The following NRG1 variants were observed in gnomAD, a reference collection of about 807,000 sequenced individuals.
The protein encoded by NRG1 is neuregulin 1.
NRG1 carries 18 observed loss-of-function variants against 63.8 expected under a neutral mutation model. The observed-to-expected ratio is 0.28, with a 90% confidence interval of 0.19 to 0.42. NRG1 has a LOEUF of 0.42. Ranked by LOEUF, NRG1 falls within the 10% of genes least tolerant of loss-of-function variation. The pLI is 1.00. For missense variants in NRG1, 762 were observed against 814.7 expected (o/e 0.94, Z 0.79); for synonymous variants, 302 against 301.3 (o/e 1.00, Z -0.02).
At chr8:32,609,236 A>G (rs1845867838) in intron 3 of NRG1, among the ~76,000 whole-genome samples, 1 of 152,114 alleles carries the variant, frequency 6.6e-6, no homozygotes, top group Non-Finnish European at 1.5e-5. Context: ...GAAAATATGT[A>G]ATCATCTTGA....
intron 1 of NRG1, among the ~76,000 whole-genome samples, chr8:32,261,358 A>AGTGT (rs3055547): frequency 0.29 from 42,488 of 148,158 alleles, 6,332 homozygotes; most frequent in Admixed American, 0.42. Flanking sequence ...TGCTCCTATT[A>AGTGT]GTGTGTGTGT....
intron 5 of NRG1, among the ~76,000 whole-genome samples, chr8:32,664,480 C>T (rs1803638686): frequency 6.6e-6 from 1 of 151,978 alleles, no homozygotes; most frequent in African/African-American, 2.4e-5. Context: ...GTGAGTCGGC[C>T]AGTTGAGTCA....
At chr8:32,415,160 C>A (rs1258639776) in intron 1 of NRG1, among the ~76,000 whole-genome samples, 3 of 152,040 alleles carry the variant, frequency 2.0e-5, no homozygotes, top group African/African-American at 7.2e-5. Flanking sequence ...ATAATCCCAG[C>A]ACTTTGGGAG....
chr8:32,350,139 C>T (rs1805414017), intron 1 of NRG1, among the ~76,000 whole-genome samples: 1 of 152,054 alleles, frequency 6.6e-6, no homozygotes, highest in Non-Finnish European at 1.5e-5. Flanking sequence ...CCTAGAGCAC[C>T]CTCCTATCTT....
At chr8:32,293,058 C>G (rs7824856) in intron 1 of NRG1, among the ~76,000 whole-genome samples, 21,919 of 152,082 alleles carry the variant, frequency 0.14, 1,595 homozygotes, top group African/African-American at 0.16. Flanking sequence ...GAGCCAAGAT[C>G]ATGCCACTGC....
chr8:32,671,266 C>T (rs1797014894), intron 5 of NRG1, among the ~76,000 whole-genome samples: 1 of 152,150 alleles, frequency 6.6e-6, no homozygotes, highest in Admixed American at 6.5e-5. Context: ...TTCCTTTGTT[C>T]CTCCTCATCA....
intron 1 of NRG1, among the ~76,000 whole-genome samples, chr8:32,160,221 C>T (rs977718311): frequency 3.3e-5 from 5 of 152,150 alleles, no homozygotes; most frequent in Admixed American, 2.0e-4. Flanking sequence ...AAGGCAGACA[C>T]GTTCAAATAT....
intron 1 of NRG1, among the ~76,000 whole-genome samples, chr8:31,985,228 A>G (rs1563648979): frequency 6.6e-6 from 1 of 152,108 alleles, no homozygotes; most frequent in Admixed American, 6.6e-5. Flanking sequence ...GGAGAGGTTA[A>G]TAGGTAGGGG....
intron 1 of NRG1, among the ~76,000 whole-genome samples, chr8:31,666,954 T>TA (rs773382030): frequency 9.1e-4 from 138 of 152,304 alleles, no homozygotes; most frequent in Non-Finnish European, 1.7e-3. Flanking sequence ...ATTTAATCCT[T>TA]ACAACAATTT....
At chr8:32,410,343 G>A (rs1814735694) in intron 1 of NRG1, among the ~76,000 whole-genome samples, 1 of 151,760 alleles carries the variant, frequency 6.6e-6, no homozygotes, top group Non-Finnish European at 1.5e-5. Context: ...ACCATGCCCA[G>A]CTAATTTTTG....
chr8:32,424,614 T>G (rs1587566462), intron 1 of NRG1, among the ~76,000 whole-genome samples: 1 of 152,262 alleles, frequency 6.6e-6, no homozygotes, highest in South Asian at 2.1e-4. Context: ...CTCACACCCA[T>G]AATCCCAGCA....
intron 1 of NRG1, among the ~76,000 whole-genome samples, chr8:32,109,879 G>C (rs1435509630): frequency 6.6e-6 from 1 of 152,078 alleles, no homozygotes; most frequent in Non-Finnish European, 1.5e-5. Flanking sequence ...CAGCCTCTAG[G>C]TTGCTAGAAA....
chr8:32,243,911 C>T (rs974121223), intron 1 of NRG1, among the ~76,000 whole-genome samples: 1 of 152,180 alleles, frequency 6.6e-6, no homozygotes, highest in South Asian at 2.1e-4. Context: ...TTATCATACA[C>T]CAAGTCTTCC....
At chr8:31,917,293 T>C (rs1833481836) in intron 1 of NRG1, among the ~76,000 whole-genome samples, 1 of 148,172 alleles carries the variant, frequency 6.7e-6, no homozygotes. Context: ...GCCTATGTCC[T>C]GAATGGTAAT....
At chr8:32,473,162 T>C (rs555098814) in intron 1 of NRG1, among the ~76,000 whole-genome samples, 51 of 152,370 alleles carry the variant, frequency 3.3e-4, no homozygotes, top group African/African-American at 1.2e-3. Context: ...CATATGTACA[T>C]GTGTACAGTG....
intron 5 of NRG1, among the ~76,000 whole-genome samples, chr8:32,677,269 A>G (rs1459109285): frequency 6.6e-6 from 1 of 152,150 alleles, no homozygotes; most frequent in Admixed American, 6.5e-5. Flanking sequence ...AAGTCAGATA[A>G]TTTTAGGAAA....
intron 3 of NRG1, among the ~76,000 whole-genome samples, chr8:32,612,399 TAGA>T (rs924341787): frequency 6.6e-6 from 1 of 152,114 alleles, no homozygotes; most frequent in African/African-American, 2.4e-5. Context: ...TCCTTTGGTG[TAGA>T]AGTATAGGTT....
At chr8:31,903,480 C>T (rs536155389) in intron 1 of NRG1, among the ~76,000 whole-genome samples, 8 of 151,952 alleles carry the variant, frequency 5.3e-5, no homozygotes, top group Non-Finnish European at 7.4e-5. Flanking sequence ...CATGAGAGGC[C>T]CTAAACATCA....
At chr8:31,803,568 C>G (rs1236793722) in intron 1 of NRG1, among the ~76,000 whole-genome samples, 1 of 152,192 alleles carries the variant, frequency 6.6e-6, no homozygotes, top group Non-Finnish European at 1.5e-5. Flanking sequence ...TGCTACCCAC[C>G]AAAATCCCAT....
Sources: allele counts gnomAD v4.1 joint callset (sites outside exome capture counted in the v4.1 genomes callset), GRCh38; gene constraint gnomAD v4.1.1; transcripts MANE v1.5; gene names NCBI Gene and HGNC (gene_info 2026-07-23, HGNC 2026-07-21).